The following PYGL variants were observed in gnomAD, a reference collection of about 807,000 sequenced individuals.
PYGL encodes the protein glycogen phosphorylase, liver form.
Under a neutral mutation model 100.1 loss-of-function variants are expected in PYGL, and 90 were observed. The observed-to-expected ratio is 0.90, with a 90% confidence interval of 0.76 to 1.07. The LOEUF is 1.07. Ranked by LOEUF, PYGL falls within the 50% of genes least tolerant of loss-of-function variation. The probability of loss-of-function intolerance (pLI) is 0.00; values close to 1 mark genes in which losing one functional copy is unlikely to be tolerated. For missense variants in PYGL, 1,016 were observed against 1,057.6 expected (o/e 0.96, Z 0.55); for synonymous variants, 373 against 393.0 (o/e 0.95, Z 0.60).
chr14:50,930,842 A>T (rs1468759009), intron 4 of PYGL, among the ~76,000 whole-genome samples: 1 of 152,172 alleles, frequency 6.6e-6, no homozygotes, highest in Non-Finnish European at 1.5e-5. Context: ...AGACAAAAAT[A>T]GGGAGAGAGG....
intron 7 of PYGL, among the ~76,000 whole-genome samples, chr14:50,918,587 A>C (rs180698994): frequency 2.6e-5 from 4 of 152,372 alleles, no homozygotes; most frequent in Admixed American, 6.5e-5. Flanking sequence ...GGAAAACCGA[A>C]TATCGTGTGT....
intron 7 of PYGL, among the ~76,000 whole-genome samples, chr14:50,917,389 G>C (rs1489430664): frequency 1.3e-5 from 2 of 152,236 alleles, no homozygotes; most frequent in African/African-American, 4.8e-5. Flanking sequence ...TGAGTGGTAA[G>C]TGATTCAGAA....
At chr14:50,909,838 C>T in intron 17 of PYGL, 57 bp downstream of exon 17, 6 of 1,590,542 alleles carry the variant, frequency 3.8e-6, no homozygotes, top group Non-Finnish European at 5.2e-6. Flanking sequence ...TCTGAGGTCA[C>T]ATACCTTCTA....
chr14:50,923,242 C>T (rs2050517066), intron 5 of PYGL: 1 of 152,194 alleles, frequency 6.6e-6, no homozygotes, highest in Non-Finnish European at 1.5e-5. Context: ...AAATAAAATG[C>T]TTCCAGGATT....
chr14:50,915,261 G>T, intron 11 of PYGL, 75 bp downstream of exon 11: 1 of 1,556,664 alleles, frequency 6.4e-7, no homozygotes, highest in Non-Finnish European at 8.9e-7. Flanking sequence ...ATCCCTAAGT[G>T]CAACCCTGCA....
intron 1 of PYGL, among the ~76,000 whole-genome samples, chr14:50,939,286 C>T (rs573541731): frequency 6.6e-6 from 1 of 152,362 alleles, no homozygotes; most frequent in South Asian, 2.1e-4. Flanking sequence ...ATCTGCCTGC[C>T]TTGGCCTCCC....
chr14:50,914,758 G>A lies in PYGL; in HGVS notation c.1461C>T (p.Ile487=). Residue 487 remains isoleucine (I), a synonymous_variant, in exon 12 of 20, where the codon ATC becomes ATT. Coordinates refer to ENST00000216392, the MANE Select transcript of PYGL (RefSeq NM_002863.5). The part of the protein sequence containing the change: ...PDKFQNKTNG[I]TPRRWLLLCN... Reference sequence around the variant, plus strand: ...AGAGTAGGAGCCAGCGCCTTGGAGTGATCCCATTGGTTTTATTCTGAAACT... The same window carrying A: ...AGAGTAGGAGCCAGCGCCTTGGAGTAATCCCATTGGTTTTATTCTGAAACT... 6.2e-7 allele frequency: 1 copy of A among 1,614,096 alleles called. No individual in the cohort carries two copies.
chr14:50,914,906 C>A, intron 11 of PYGL, 91 bp from the exon 12 acceptor site: 1 of 946,374 alleles, frequency 1.1e-6, no homozygotes, highest in South Asian at 1.3e-5. Context: ...TTCAAGAAGC[C>A]AAGTGCAGGC....
At chr14:50,917,176 T>C in intron 7 of PYGL, 71 bp from the exon 8 acceptor site, 4 of 1,517,922 alleles carry the variant, frequency 2.6e-6, no homozygotes, top group Non-Finnish European at 3.6e-6. Context: ...TGGTGTCTCC[T>C]GCACTAGGAA....
chr14:50,912,421 T>G, intron 13 of PYGL, 118 bp from the exon 14 acceptor site: 1 of 1,299,294 alleles, frequency 7.7e-7, no homozygotes, highest in Non-Finnish European at 1.1e-6. Context: ...TGCAGTGGCA[T>G]GATCTCAGAT....
At chr14:50,914,455 C>A (rs1447175958) in intron 12 of PYGL, among the ~76,000 whole-genome samples, 1 of 151,940 alleles carries the variant, frequency 6.6e-6, no homozygotes, top group Non-Finnish European at 1.5e-5. Flanking sequence ...AGAGATTGCA[C>A]CACTGTACTC....
At position 50,905,235 on chromosome 14, in the gene PYGL, A is replaced by G; in HGVS notation, c.*157T>C. 2 of 755,546 alleles carry G rather than the reference A, an allele frequency of 2.6e-6. No individual in the cohort carries two copies. Among genetic ancestry groups the G allele is most frequent in the South Asian group, 3.6e-5 (2 of 55,308 alleles). 46.8% of individuals were successfully genotyped at this position (755,546 alleles called of 1,614,324 possible). ...ACTCATGTAGCCCTTGGAAATTGAC[A>G]CTTTATTTTTAAGCTCTATTACATA... On this transcript the variant is annotated 3_prime_UTR_variant, in exon 20 of 20. Coordinates refer to ENST00000216392, the MANE Select transcript of PYGL (RefSeq NM_002863.5).
chr14:50,937,392 C>T (rs2050662474), intron 2 of PYGL, among the ~76,000 whole-genome samples: 1 of 149,950 alleles, frequency 6.7e-6, no homozygotes, highest in Admixed American at 6.9e-5. Flanking sequence ...GATAGAAGCC[C>T]AAAGTAAAGA....
At position 50,920,564 on chromosome 14, in the gene PYGL, G is replaced by A. The variant is rs763079127; in HGVS notation, c.832C>T (p.Arg278Trp). The change falls in exon 7 of 20, where the codon CGG becomes TGG. Residue 278 changes from arginine to tryptophan, a missense_variant. By Grantham distance (101) the Arg-to-Trp change is moderately radical. Coordinates refer to ENST00000216392, the MANE Select transcript of PYGL (RefSeq NM_002863.5). ...LDRNLAENIS[R>W]VLYPNDNFFE... Reference sequence around the variant, plus strand: ...ACATTGTCATTGGGATAGAGGACCCGGGAGATGTTCTCGGCCAGGTTTCGG... The same window carrying A: ...ACATTGTCATTGGGATAGAGGACCCAGGAGATGTTCTCGGCCAGGTTTCGG... The A allele has an allele frequency of 4.0e-5, 64 of 1,612,870 alleles. No individual in the cohort carries two copies. The highest frequency in any genetic ancestry group is 5.5e-5 in the South Asian group (5 of 91,052).
intron 2 of PYGL, among the ~76,000 whole-genome samples, chr14:50,937,056 A>C (rs964552757): frequency 2.6e-5 from 4 of 152,224 alleles, no homozygotes; most frequent in Non-Finnish European, 5.9e-5. Flanking sequence ...CCCATGGCAA[A>C]GGAAATGAAA....
At chr14:50,924,147 T>C (rs774840938) in intron 4 of PYGL, 47 bp from the exon 5 acceptor site, 12 of 1,586,276 alleles carry the variant, frequency 7.6e-6, no homozygotes, top group Non-Finnish European at 8.6e-6. Flanking sequence ...TCAGGAAATA[T>C]GAACCTAGCA....
rs1466111181 is a variant in PYGL, at chr14:50,923,984, C to G, written c.645G>C (p.Lys215Asn). Residue 215 changes from lysine to asparagine, a missense_variant, in exon 5 of 20, where the codon AAG becomes AAC. Transcript: ENST00000216392. ...CTCTGAATACTTGAGTGTCAATCCA[C>G]TTGGTCCCGGTGTTGGTGTGTTCTA... ...GKVEHTNTGTKWIDTQVVLAL... is the reference protein window; with the variant it reads ...GKVEHTNTGTNWIDTQVVLAL... 1.1e-5 allele frequency: 17 copies of G among 1,613,812 alleles called. No individual in the cohort carries two copies. The highest frequency in any genetic ancestry group is 1.3e-5 in the African/African-American group (1 of 74,908).
Position 50,937,724 on chromosome 14 carries a change from G to A in PYGL, c.345+12C>T. ...AAAGAGACAGGATGAGAGAAATCTA[G>A]GAACAATGTACCTGGTAAATGGCCT... On this transcript the variant is annotated intron_variant, in intron 2 of 19. Transcript: ENST00000216392. The A allele has an allele frequency of 6.2e-7, 1 of 1,601,754 alleles. No homozygotes were observed.
At chr14:50,930,676 A>C (rs74051859) in intron 4 of PYGL, among the ~76,000 whole-genome samples, 9,087 of 152,204 alleles carry the variant, frequency 0.06, 391 homozygotes, top group African/African-American at 0.12. Context: ...TCATTCTCAT[A>C]GGGTTATCTT....
Sources: allele counts gnomAD v4.1 joint callset (sites outside exome capture counted in the v4.1 genomes callset), GRCh38; gene constraint gnomAD v4.1.1; transcripts MANE v1.5; gene names NCBI Gene and HGNC (gene_info 2026-07-23, HGNC 2026-07-21).